The following CNOT4 variants were observed in gnomAD, a reference collection of about 807,000 sequenced individuals.
The protein encoded by CNOT4 is CCR4-NOT transcription complex subunit 4, also known as CCR4-associated factor 4.
CNOT4 carries 8 observed loss-of-function variants against 73.8 expected under a neutral mutation model. That is an observed-to-expected ratio of 0.11 (90% CI 0.06 to 0.20). CNOT4 has a LOEUF of 0.20. CNOT4 is among the 10% of genes least tolerant of loss of function. The pLI is 1.00. For missense variants in CNOT4, 564 were observed against 883.4 expected (o/e 0.64, Z 4.58); for synonymous variants, 293 against 321.1 (o/e 0.91, Z 0.94).
At chr7:135,379,146 A>G (rs887406778) in intron 10 of CNOT4, among the ~76,000 whole-genome samples, 1 of 152,170 alleles carries the variant, frequency 6.6e-6, no homozygotes, top group African/African-American at 2.4e-5. Flanking sequence ...CCTTTGTCCA[A>G]AGAAAAAGAA....
At chr7:135,391,556 C>T (rs1796403387) in intron 10 of CNOT4, among the ~76,000 whole-genome samples, 1 of 151,898 alleles carries the variant, frequency 6.6e-6, no homozygotes. Flanking sequence ...TTTTAATGCT[C>T]TATGGTTGAG....
chr7:135,439,065 G>A (rs1799323195), intron 1 of CNOT4, among the ~76,000 whole-genome samples: 1 of 152,152 alleles, frequency 6.6e-6, no homozygotes, highest in Non-Finnish European at 1.5e-5. Flanking sequence ...AGAAAGAAGG[G>A]AAGAAATAGA....
In CNOT4 at chr7:135,363,290, GAT is replaced by G; in HGVS notation, c.1841-106_1841-105del. On this transcript the variant is annotated intron_variant, in intron 11 of 11. Coordinates refer to ENST00000541284, the MANE Select transcript of CNOT4 (RefSeq NM_001190850.2). The surrounding 1 kb of genome is among the most constrained non-coding windows in gnomAD (Gnocchi z 4.3). The stretch of plus-strand genomic sequence containing the variant: ...CAAAACCAAAAGGAAAGACAGAAGA[GAT>G]TACAATTTTAAACTCCTTCCAAATA... 1 of 1,029,370 alleles carries G rather than the reference GAT, an allele frequency of 9.7e-7. No homozygotes were observed. The highest frequency in any genetic ancestry group is 2.4e-5 in the East Asian group (1 of 41,450). The allele number at this position is 1,029,370 out of a possible 1,614,324, so 63.8% of individuals were successfully genotyped here.
chr7:135,503,645 A>G (rs935035109), intron 1 of CNOT4, among the ~76,000 whole-genome samples: 2 of 152,188 alleles, frequency 1.3e-5, no homozygotes, highest in African/African-American at 4.8e-5. Context: ...GGCAAAACCA[A>G]AATATAACAT....
intron 1 of CNOT4, among the ~76,000 whole-genome samples, chr7:135,465,953 G>A (rs1801194883): frequency 6.6e-6 from 1 of 152,092 alleles, no homozygotes; most frequent in African/African-American, 2.4e-5. Flanking sequence ...GGAGGCTGAG[G>A]CAGGAGAATC....
intron 1 of CNOT4, among the ~76,000 whole-genome samples, chr7:135,438,839 C>T (rs935918875): frequency 3.3e-5 from 5 of 152,016 alleles, no homozygotes; most frequent in Non-Finnish European, 1.5e-5. Flanking sequence ...CGAATGAAAA[C>T]AAGATACTTC....
chr7:135,388,931 C>T, intron 10 of CNOT4: 1 of 1,600,276 alleles, frequency 6.2e-7, no homozygotes, highest in Non-Finnish European at 8.5e-7. Context: ...TTATGGGTGA[C>T]TAGATTTGTT....
chr7:135,432,475 C>G (rs1480433206), intron 2 of CNOT4, among the ~76,000 whole-genome samples: 3 of 152,216 alleles, frequency 2.0e-5, no homozygotes, highest in Non-Finnish European at 4.4e-5. Context: ...GCAAAATGGT[C>G]TCACAAGACA....
chr7:135,378,964 A>G (rs2129482840), intron 10 of CNOT4, among the ~76,000 whole-genome samples: 1 of 149,898 alleles, frequency 6.7e-6, no homozygotes, highest in African/African-American at 2.5e-5. Flanking sequence ...CAATCTGGGC[A>G]ACACAGTGAA....
At chr7:135,387,386 A>G in intron 10 of CNOT4, 6 of 983,472 alleles carry the variant, frequency 6.1e-6, no homozygotes, top group Non-Finnish European at 7.2e-6. Context: ...AAAGTCATTT[A>G]ATTTGTCACA....
chr7:135,462,317 G>A (rs1800925930), intron 1 of CNOT4, among the ~76,000 whole-genome samples: 1 of 151,972 alleles, frequency 6.6e-6, no homozygotes, highest in Non-Finnish European at 1.5e-5. Context: ...ACCAGCTTGG[G>A]AAGTTACAAA....
chr7:135,458,491 G>A (rs1800681828), intron 1 of CNOT4, among the ~76,000 whole-genome samples: 1 of 151,990 alleles, frequency 6.6e-6, no homozygotes, highest in East Asian at 1.9e-4. Context: ...TCTCTTTCAC[G>A]AAAGATTTCT....
intron 1 of CNOT4, among the ~76,000 whole-genome samples, chr7:135,498,606 T>C: frequency 6.6e-6 from 1 of 150,434 alleles, no homozygotes; most frequent in South Asian, 2.1e-4. Flanking sequence ...TGGAGTGCAA[T>C]GGCATGGTCT....
intron 1 of CNOT4, among the ~76,000 whole-genome samples, chr7:135,450,332 T>C (rs1161706529): frequency 1.3e-5 from 2 of 152,146 alleles, no homozygotes; most frequent in Non-Finnish European, 2.9e-5. Flanking sequence ...TTCTGTTTGT[T>C]TGTTTGTGTC....
chr7:135,509,226 G>A (rs776032041), intron 1 of CNOT4: 1 of 152,476 alleles, frequency 6.6e-6, no homozygotes, highest in African/African-American at 2.4e-5. Context: ...TTAGCAGGAG[G>A]AGCATAATCT....
intron 8 of CNOT4, among the ~76,000 whole-genome samples, chr7:135,397,122 T>C (rs1796736627): frequency 6.6e-6 from 1 of 152,132 alleles, no homozygotes; most frequent in Non-Finnish European, 1.5e-5. Context: ...GAGAAGTATA[T>C]GCTTTTCAAG....
chr7:135,422,380 T>G (rs1798239418), intron 2 of CNOT4, 27 bp from the exon 3 acceptor site: 1 of 1,061,548 alleles, frequency 9.4e-7, no homozygotes, highest in Non-Finnish European at 1.5e-6. Context: ...AACATAGACG[T>G]TAGCATTAAA....
At chr7:135,502,875 G>A (rs1488068633) in intron 1 of CNOT4, among the ~76,000 whole-genome samples, 10 of 151,512 alleles carry the variant, frequency 6.6e-5, no homozygotes, top group Middle Eastern at 3.4e-3. Context: ...GATTTTGGCA[G>A]GGCACAGTGG....
At chr7:135,405,488 C>T (rs1488166085) in intron 7 of CNOT4, among the ~76,000 whole-genome samples, 21 of 152,028 alleles carry the variant, frequency 1.4e-4, no homozygotes, top group Non-Finnish European at 2.2e-4. Context: ...ATTTCAAAGC[C>T]CCAAACTTAA....
Sources: allele counts gnomAD v4.1 joint callset (sites outside exome capture counted in the v4.1 genomes callset), GRCh38; gene constraint gnomAD v4.1.1; non-coding constraint Gnocchi (gnomAD v3.1); transcripts MANE v1.5; gene names NCBI Gene and HGNC (gene_info 2026-07-23, HGNC 2026-07-21).